Variants in UBXN11 observed in about 807,000 individuals in gnomAD.
UBXN11 encodes the protein UBX domain-containing protein 11.
A neutral mutation model predicts 62.8 loss-of-function variants in UBXN11; 47 were observed. The ratio of observed to expected loss-of-function variants is 0.75; its 90% CI spans 0.59 to 0.95. UBXN11 has a LOEUF of 0.95. UBXN11 is among the 40% of genes least tolerant of loss of function. The pLI is 0.00. For synonymous variants in UBXN11, 294 were observed against 267.0 expected, an observed-to-expected ratio of 1.10 and a Z score of -0.99; for missense variants, 638 against 661.7, an observed-to-expected ratio of 0.96 and a Z score of 0.39.
chr1:26,307,932 C>G (rs1427929112), upstream of UBXN11, among the ~76,000 whole-genome samples: 1 of 152,094 alleles, frequency 6.6e-6, no homozygotes, highest in South Asian at 2.1e-4. Context: ...CTAAAGAGAG[C>G]TACTACTACT....
rs1250960721 is a variant in UBXN11 at position 26,282,657 on chromosome 1, C to T, written c.1284G>A (p.Ala428=). 37 of 1,613,914 alleles carry T rather than the reference C, an allele frequency of 2.3e-5. No individual in the cohort carries two copies. The highest frequency in any genetic ancestry group is 8.9e-5 in the East Asian group (4 of 44,890). The change falls in exon 14 of 15, where the codon GCG becomes GCA. Residue 428 remains alanine, a synonymous_variant. Coordinates refer to ENST00000374222, the MANE Select transcript of UBXN11 (RefSeq NM_001389556.1). ...CCCTGCCCTGCACCCACCTGGCCTGCGCTAGCAGAGCTCGCACGTCCCCAA... is the reference window on the plus strand; with the variant it reads ...CCCTGCCCTGCACCCACCTGGCCTGTGCTAGCAGAGCTCGCACGTCCCCAA... ...NTIGDVRALL[A]QARVMDASAF...
rs1285006084 is a variant in UBXN11, at chr1:26,301,693, C to T, written c.100+1G>A. On this transcript the variant is annotated splice_donor_variant, in intron 3 of 14. Transcript: ENST00000374222. LOFTEE classifies it high-confidence loss of function. Reference sequence around the variant, plus strand: ...AGGGCACGAGGGCGGGGCACACTTACCATCTCCATAGATGCGGATTCCTCG... The same window carrying T: ...AGGGCACGAGGGCGGGGCACACTTATCATCTCCATAGATGCGGATTCCTCG... The T allele has an allele frequency of 6.2e-7, 1 of 1,613,948 alleles. No homozygotes were observed. Among genetic ancestry groups the T allele is most frequent in the Non-Finnish European group, 8.5e-7 (1 of 1,179,928 alleles).
At chr1:26,306,391 G>A (rs1340468323) in intron 1 of UBXN11, 1 of 152,290 alleles carries the variant, frequency 6.6e-6, no homozygotes, top group Admixed American at 6.5e-5. Context: ...AATGCCCCCA[G>A]GACGCGCTCA....
chr1:26,291,546 T>G (rs1462022860), intron 8 of UBXN11, among the ~76,000 whole-genome samples: 2 of 152,046 alleles, frequency 1.3e-5, no homozygotes, highest in Non-Finnish European at 2.9e-5. Context: ...CAGAGCCAGG[T>G]CCAGAAACCA....
intron 13 of UBXN11, 26 bp from the exon 14 acceptor site, chr1:26,282,815 C>G (rs748096914): frequency 6.2e-7 from 1 of 1,614,114 alleles, no homozygotes; most frequent in South Asian, 1.1e-5. Context: ...GCCATCAGCA[C>G]GCGGTGACCC....
At chr1:26,288,571 G>T (rs2073184613) in intron 8 of UBXN11, among the ~76,000 whole-genome samples, 1 of 152,204 alleles carries the variant, frequency 6.6e-6, no homozygotes, top group African/African-American at 2.4e-5. Flanking sequence ...CTGACCCGTG[G>T]ATGGAGAGAG....
chr1:26,299,179 G>A (rs2073467117), intron 4 of UBXN11, among the ~76,000 whole-genome samples: 1 of 152,118 alleles, frequency 6.6e-6, no homozygotes, highest in South Asian at 2.1e-4. Flanking sequence ...GGGGCACAGT[G>A]GACACAGAGG....
In UBXN11 at chr1:26,294,305, C is replaced by G. The variant is rs565193121; in HGVS notation, c.459G>C (p.Gln153His). ...CCTGGTCCATGGGCTCGCCCACCCA[C>G]TGCAGGCCATAGTCACTGAGGAACC... ...MERFLSDYGL[Q>H]WVGEPMDQED... is the part of the protein sequence containing the mutation. Residue 153 changes from glutamine (Q) to histidine (H), a missense_variant, in exon 8 of 15, where the codon CAG becomes CAC. Transcript: ENST00000374222. 2 of 1,614,136 alleles carry G rather than the reference C, an allele frequency of 1.2e-6. No individual in the cohort carries two copies.
rs780719842 is a variant in UBXN11, at chr1:26,298,053, G to A, written c.209C>T (p.Ser70Phe). 4 of 1,613,180 alleles carry A rather than the reference G, an allele frequency of 2.5e-6. No individual in the cohort carries two copies. The African/African-American group carries it at 5.3e-5, about 22-fold the overall frequency. ...GAAGGCCATCAGCTCCGAGTCATGG[G>A]ATGCAGGGACTGCCAAGCACACAAA... ...GAPVSRQVPA[S>F]HDSELMAFMT... The change falls in exon 5 of 15, where the codon TCC becomes TTC. Residue 70 changes from serine (S) to phenylalanine (F), a missense_variant. Physicochemically the swap from Ser to Phe is radical, Grantham distance 155. Transcript: ENST00000374222.
intron 8 of UBXN11, among the ~76,000 whole-genome samples, chr1:26,290,471 T>C (rs937592731): frequency 5.3e-5 from 8 of 151,368 alleles, no homozygotes; most frequent in Admixed American, 3.3e-4. Flanking sequence ...CTGGCGGAGG[T>C]TGGATTTGCC....
intron 1 of UBXN11, among the ~76,000 whole-genome samples, chr1:26,312,458 G>A (rs1228076979): frequency 1.3e-5 from 2 of 151,632 alleles, no homozygotes; most frequent in East Asian, 4.0e-4. Flanking sequence ...CTCCATGTTG[G>A]CCAGGCTGGT....
chr1:26,282,524 G>A lies in UBXN11; in HGVS notation c.1338C>T (p.Pro446=), dbSNP rs2073022583. The change falls in exon 15 of 15, where the codon CCC becomes CCT. Residue 446 remains proline (P), a synonymous_variant. Coordinates refer to ENST00000374222, the MANE Select transcript of UBXN11 (RefSeq NM_001389556.1). ...SAFEIFSTFP[P]TLYQDDTLTL... ...TGAGTGTATCGTCCTGGTAGAGGGTGGGCGGGAATGTGCTGAAGATCTCAA... is the reference window on the plus strand; with the variant it reads ...TGAGTGTATCGTCCTGGTAGAGGGTAGGCGGGAATGTGCTGAAGATCTCAA... 2 of 1,596,844 alleles carry A rather than the reference G, an allele frequency of 1.3e-6. No individual in the cohort carries two copies. The highest frequency in any genetic ancestry group is 2.7e-5 in the African/African-American group (2 of 74,608).
At chr1:26,306,833 G>GGGGGGGGGGGGGGGGT (rs1553165087), upstream of UBXN11, 1 of 32,156 alleles carries the variant, frequency 3.1e-5, no homozygotes, top group African/African-American at 7.3e-5. Flanking sequence ...GCGGGGTGGG[G>GGGGGGGGGGGGGGGGT]GGGGGGGGTG....
At chr1:26,314,650 G>A (rs1324603565) in intron 1 of UBXN11, among the ~76,000 whole-genome samples, 1 of 152,110 alleles carries the variant, frequency 6.6e-6, no homozygotes, top group Non-Finnish European at 1.5e-5. Flanking sequence ...TCTTCCGGCA[G>A]TCCCTGACAC....
upstream of UBXN11, chr1:26,306,829 T>TG (rs1173775523): frequency 0.023 from 452 of 19,842 alleles, 28 homozygotes; most frequent in East Asian, 0.29. Flanking sequence ...CGGGGCGGGG[T>TG]GGGGGGGGGG....
chr1:26,298,053 G>C lies in UBXN11; in HGVS notation c.209C>G (p.Ser70Cys). 6 of 1,613,298 alleles carry C rather than the reference G, an allele frequency of 3.7e-6. No homozygotes were observed. The highest frequency in any genetic ancestry group is 5.1e-6 in the Non-Finnish European group (6 of 1,179,866). ...GAPVSRQVPA[S>C]HDSELMAFMT... The stretch of plus-strand genomic sequence containing the variant: ...GAAGGCCATCAGCTCCGAGTCATGG[G>C]ATGCAGGGACTGCCAAGCACACAAA... The change falls in exon 5 of 15, where the codon TCC becomes TGC. Residue 70 changes from serine to cysteine, a missense_variant. Transcript: ENST00000374222.
chr1:26,288,599 C>G (rs2073185286), intron 8 of UBXN11, among the ~76,000 whole-genome samples: 2 of 152,286 alleles, frequency 1.3e-5, no homozygotes, highest in Admixed American at 1.3e-4. Context: ...TGGGGAGTCA[C>G]ACAGCAGGAG....
chr1:26,305,486 TA>T (rs1428703502), intron 1 of UBXN11, among the ~76,000 whole-genome samples: 1 of 152,126 alleles, frequency 6.6e-6, no homozygotes, highest in Non-Finnish European at 1.5e-5. Context: ...ACCCCCAATT[TA>T]CCCTCCAGCC....
At chr1:26,284,046 C>T in intron 12 of UBXN11, 96 bp downstream of exon 12, 1 of 1,310,084 alleles carries the variant, frequency 7.6e-7, no homozygotes, top group Admixed American at 2.3e-5. Flanking sequence ...GTGCCTCAAG[C>T]TTGAGCCTTC....
Sources: gnomAD v4.1 joint callset for allele counts (sites outside exome capture counted in the v4.1 genomes callset) on GRCh38, gnomAD v4.1.1 for gene constraint, MANE v1.5 for transcripts, NCBI Gene and HGNC (gene_info 2026-07-23, HGNC 2026-07-21) for gene names.